Variants in SOX5 observed in about 807,000 individuals in gnomAD.
The protein encoded by SOX5 is SRY-box transcription factor 5.
Under a neutral mutation model 92.0 loss-of-function variants are expected in SOX5, and 9 were observed. The ratio of observed to expected loss-of-function variants is 0.10; its 90% confidence interval spans 0.06 to 0.17. The LOEUF (loss-of-function observed/expected upper bound fraction) is 0.17, where lower values mean the gene tolerates loss of function less well. Ranked by LOEUF, SOX5 falls within the 10% of genes least tolerant of loss-of-function variation. SOX5 has a pLI of 1.00. For synonymous variants in SOX5, 344 were observed against 336.3 expected (o/e 1.02, Z -0.25); for missense variants, 642 against 944.5 (o/e 0.68, Z 4.20).
chr12:23,549,299 T>C (rs1943730433), intron 11 of SOX5, among the ~76,000 whole-genome samples: 1 of 151,952 alleles, frequency 6.6e-6, no homozygotes, highest in African/African-American at 2.4e-5. Context: ...CAAATAAATG[T>C]TGATGGGCAC....
chr12:23,570,910 CAA>C (rs148593886), intron 10 of SOX5, among the ~76,000 whole-genome samples: 30 of 8,152 alleles, frequency 3.7e-3, no homozygotes, highest in African/African-American at 0.01. Context: ...GACTCCAACT[CAA>C]AAAAAAAAAA....
intron 2 of SOX5, among the ~76,000 whole-genome samples, chr12:23,865,446 T>C (rs552169186): frequency 6.6e-6 from 1 of 152,146 alleles, no homozygotes; most frequent in Admixed American, 6.5e-5. Flanking sequence ...GAGGCTGAGG[T>C]GGGCAGATCA....
At chr12:24,288,151 G>A (rs764686477) in intron 2 of SOX5, among the ~76,000 whole-genome samples, 2 of 152,140 alleles carry the variant, frequency 1.3e-5, no homozygotes, top group African/African-American at 4.8e-5. Context: ...ATTTGGGAGT[G>A]TCTGGAAATA....
chr12:24,442,577 GA>G (rs1207895573), intron 1 of SOX5, among the ~76,000 whole-genome samples: 1 of 152,198 alleles, frequency 6.6e-6, no homozygotes, highest in African/African-American at 2.4e-5. Flanking sequence ...GTTTTAAGAG[GA>G]GACGTTAATG....
chr12:23,622,770 A>G (rs958421900), intron 8 of SOX5, among the ~76,000 whole-genome samples: 3 of 152,176 alleles, frequency 2.0e-5, no homozygotes, highest in Admixed American at 1.3e-4. Flanking sequence ...ATTGGTAAAT[A>G]TTATTACTAT....
chr12:24,176,149 G>A (rs1208294380), intron 4 of SOX5, among the ~76,000 whole-genome samples: 1 of 152,098 alleles, frequency 6.6e-6, no homozygotes, highest in African/African-American at 2.4e-5. Flanking sequence ...CGGGCAGCAT[G>A]ATGAAATCCC....
chr12:23,620,388 C>T (rs2138064199), intron 8 of SOX5, among the ~76,000 whole-genome samples: 1 of 152,034 alleles, frequency 6.6e-6, no homozygotes, highest in African/African-American at 2.4e-5. Flanking sequence ...CACCTACAAC[C>T]CACTTTTAAT....
chr12:24,219,559 C>T (rs1395790329), intron 3 of SOX5, among the ~76,000 whole-genome samples: 1 of 152,070 alleles, frequency 6.6e-6, no homozygotes, highest in Admixed American at 6.5e-5. Flanking sequence ...ATGAAATACT[C>T]AAGAGGCTAC....
intron 1 of SOX5, among the ~76,000 whole-genome samples, chr12:24,548,936 G>C (rs930641423): frequency 9.9e-5 from 15 of 152,132 alleles, no homozygotes; most frequent in African/African-American, 3.6e-4. Flanking sequence ...AGCTGAAAAA[G>C]CTTAATGATC....
At chr12:23,681,366 T>C (rs1468550909) in intron 6 of SOX5, among the ~76,000 whole-genome samples, 1 of 151,862 alleles carries the variant, frequency 6.6e-6, no homozygotes, top group Non-Finnish European at 1.5e-5. Flanking sequence ...CAAAAGGTGA[T>C]ACACACAGAA....
intron 2 of SOX5, among the ~76,000 whole-genome samples, chr12:24,299,282 A>G (rs906221992): frequency 2.0e-5 from 3 of 152,184 alleles, no homozygotes; most frequent in Admixed American, 6.5e-5. Context: ...GTGAGAGACT[A>G]TTCAGCAATT....
At chr12:23,696,607 C>T (rs547862360) in intron 6 of SOX5, among the ~76,000 whole-genome samples, 2 of 152,134 alleles carry the variant, frequency 1.3e-5, no homozygotes, top group East Asian at 1.9e-4. Context: ...TCTATTTTTA[C>T]TACTCTTAAT....
intron 1 of SOX5, among the ~76,000 whole-genome samples, chr12:24,472,682 C>G (rs1944937600): frequency 6.6e-6 from 1 of 152,160 alleles, no homozygotes; most frequent in Admixed American, 6.5e-5. Context: ...TCTTTCTAGC[C>G]TGTAAAATCA....
At chr12:23,755,158 A>G (rs2094323163) in intron 4 of SOX5, among the ~76,000 whole-genome samples, 1 of 151,776 alleles carries the variant, frequency 6.6e-6, no homozygotes, top group Admixed American at 6.6e-5. Flanking sequence ...GCTGATTCAA[A>G]TAAAACCAAA....
upstream of SOX5, chr12:23,950,996 CA>C: frequency 1.3e-6 from 1 of 788,836 alleles, no homozygotes; most frequent in Non-Finnish European, 2.1e-6. Flanking sequence ...CACACACACA[CA>C]CACACACTCA....
intron 2 of SOX5, among the ~76,000 whole-genome samples, chr12:24,322,725 G>C (rs1419570676): frequency 6.6e-6 from 1 of 152,138 alleles, no homozygotes; most frequent in Non-Finnish European, 1.5e-5. Flanking sequence ...AGAAACCTCT[G>C]TTAATGAAAT....
chr12:23,925,455 T>C (rs963477643), intron 1 of SOX5, among the ~76,000 whole-genome samples: 5 of 152,034 alleles, frequency 3.3e-5, no homozygotes, highest in Non-Finnish European at 5.9e-5. Context: ...TCACAGGCAA[T>C]TTCAGAATAT....
intron 1 of SOX5, among the ~76,000 whole-genome samples, chr12:24,418,769 T>G (rs762870599): frequency 2.0e-5 from 3 of 152,200 alleles, no homozygotes; most frequent in Non-Finnish European, 4.4e-5. Flanking sequence ...AAAAATACCC[T>G]GATGACTCAG....
chr12:23,682,413 A>G (rs771542428), intron 6 of SOX5, among the ~76,000 whole-genome samples: 15 of 151,868 alleles, frequency 9.9e-5, no homozygotes, highest in South Asian at 4.1e-4. Flanking sequence ...TAAAAATACA[A>G]TTTGATTATT....
Sources: gnomAD v4.1 joint callset for allele counts (sites outside exome capture counted in the v4.1 genomes callset) on GRCh38, gnomAD v4.1.1 for gene constraint, MANE v1.5 for transcripts, NCBI Gene and HGNC (gene_info 2026-07-23, HGNC 2026-07-21) for gene names.